The following PARD6B variants were observed in gnomAD, a reference collection of about 807,000 sequenced individuals.
PARD6B encodes par-6 family cell polarity regulator beta.
In PARD6B, 4 loss-of-function variants were observed where a neutral mutation model predicts 10.5. The observed-to-expected ratio is 0.38, with a 90% CI of 0.19 to 0.87. The LOEUF is 0.87. PARD6B is among the 40% of genes least tolerant of loss of function. PARD6B has a pLI of 0.41. For missense variants in PARD6B, 396 were observed against 470.6 expected (o/e 0.84, Z 1.47); for synonymous variants, 169 against 170.4 (o/e 0.99, Z 0.07).
At chr20:50,748,683 A>G (rs1273854348) in intron 2 of PARD6B, among the ~76,000 whole-genome samples, 1 of 151,978 alleles carries the variant, frequency 6.6e-6, no homozygotes, top group Non-Finnish European at 1.5e-5. Flanking sequence ...GACGCTACCT[A>G]CCACACCTGG....
rs370377076 is a variant in PARD6B at position 50,751,545 on chromosome 20, G to T, written c.*1057G>T. ...TAATTTTTAGTAGAGACGGGGTTTC[G>T]CAGTGTTAGCCAGGAAGGTCTCAAT... On this transcript the variant is annotated 3_prime_UTR_variant, in exon 3 of 3. Transcript: ENST00000371610. 6 of 873,376 alleles carry T rather than the reference G, an allele frequency of 6.9e-6. No individual in the cohort carries two copies. The highest frequency in any genetic ancestry group is 8.2e-6 in the Non-Finnish European group (6 of 729,104). The allele number at this position is 873,376 out of a possible 1,614,324, so 54.1% of individuals were successfully genotyped here.
Position 50,751,915 on chromosome 20 carries a change from GTGGGTC to G in PARD6B, c.*1429_*1434del. ...GATGGAGTTTCACCATGTTGGTCAG[GTGGGTC>G]TCAAACTCCTGACCTCAAGTGATCC... On this transcript the variant is annotated 3_prime_UTR_variant, in exon 3 of 3. Transcript: ENST00000371610. 1 of 909,008 alleles carries G rather than the reference GTGGGTC, an allele frequency of 1.1e-6. No homozygotes were observed. The highest frequency in any genetic ancestry group is 1.3e-6 in the Non-Finnish European group (1 of 760,776). The allele number at this position is 909,008 out of a possible 1,614,324, so 56.3% of individuals were successfully genotyped here. A position where few individuals can be genotyped will look rare whatever the true frequency, so the allele number is the denominator to read the frequency against.
intron 1 of PARD6B, among the ~76,000 whole-genome samples, chr20:50,736,810 C>G (rs1568995387): frequency 6.6e-6 from 1 of 151,834 alleles, no homozygotes; most frequent in Non-Finnish European, 1.5e-5. Context: ...AAGAGAGTCT[C>G]CTGCCTCAGC....
chr20:50,737,853 A>G lies in PARD6B; in HGVS notation c.67-4A>G, dbSNP rs1163477521. The G allele has an allele frequency of 2.0e-6, 3 of 1,481,738 alleles. No individual in the cohort carries two copies. The highest frequency in any genetic ancestry group is 1.4e-5 in the South Asian group (1 of 73,190). The allele number at this position is 1,481,738 out of a possible 1,614,324, so 91.8% of individuals were successfully genotyped here. A position where few individuals can be genotyped will look rare whatever the true frequency, so the allele number is the denominator to read the frequency against. Reference sequence around the variant, plus strand: ...TTTAAGTAATATGTTTGTTACGTTTATAGTTTGGAGCTGAATTTCGTCGGT... The same window carrying G: ...TTTAAGTAATATGTTTGTTACGTTTGTAGTTTGGAGCTGAATTTCGTCGGT... On this transcript the variant is annotated splice_region_variant and splice_polypyrimidine_tract_variant and intron_variant, in intron 1 of 2. Transcript: ENST00000371610.
Position 50,731,776 on chromosome 20 carries a change from C to T in PARD6B, c.-11C>T. On this transcript the variant is annotated 5_prime_UTR_variant, in exon 1 of 3. Transcript: ENST00000371610. ...GGCCGGAGGAGGCCGTCGCGGGGCT[C>T]GGCGTTCAGCATGAACCGCAGCCAC... 2 of 1,452,144 alleles carry T rather than the reference C, an allele frequency of 1.4e-6. No homozygotes were observed. Among genetic ancestry groups the T allele is most frequent in the South Asian group, 1.3e-5 (1 of 74,736 alleles). The allele number at this position is 1,452,144 out of a possible 1,614,324, so 90.0% of individuals were successfully genotyped here.
intron 2 of PARD6B, among the ~76,000 whole-genome samples, chr20:50,748,921 C>G (rs1032496223): frequency 6.6e-6 from 1 of 152,150 alleles, no homozygotes; most frequent in African/African-American, 2.4e-5. Flanking sequence ...CACCTGTACT[C>G]CTAGCACATT....
chr20:50,735,462 A>G (rs1186217451), intron 1 of PARD6B, among the ~76,000 whole-genome samples: 1 of 152,248 alleles, frequency 6.6e-6, no homozygotes, highest in East Asian at 1.9e-4. Context: ...TTGCATTTCT[A>G]GAATGTACCA....
At position 50,750,356 on chromosome 20, in the gene PARD6B, T is replaced by A. The variant is rs751180076; in HGVS notation, c.987T>A (p.Ser329=). Residue 329 remains serine, a synonymous_variant, in exon 3 of 3, where the codon TCT becomes TCA. Transcript: ENST00000371610. ...CACAGATAGAGCTAAGCTTTGAGTC[T>A]GGACAGAATGGCTTTATTCCCTCTA... ...SLTQIELSFE[S]GQNGFIPSNE... is the part of the protein sequence containing the mutation. The A allele has an allele frequency of 1.2e-5, 20 of 1,614,234 alleles. No individual in the cohort carries two copies. The highest frequency in any genetic ancestry group is 1.6e-5 in the Non-Finnish European group (19 of 1,180,042).
In PARD6B at chr20:50,743,437, T is replaced by C. The variant is rs572129336; in HGVS notation, c.289+5358T>C. On this transcript the variant is annotated intron_variant, in intron 2 of 2. Coordinates refer to ENST00000371610, the MANE Select transcript of PARD6B (RefSeq NM_032521.3). ...CACAGATGTGACTTTGTGGCCCAGA[T>C]GCTGGTAACTGGGCATCTAAATCAT... Among the ~76,000 whole-genome samples, 5 of 152,354 alleles carry C rather than the reference T, an allele frequency of 3.3e-5. No homozygotes were observed. The South Asian group carries it at 1.0e-3, about 32-fold the overall frequency.
Position 50,752,131 on chromosome 20 carries a change from CTT to C in PARD6B, c.*1645_*1646del. The C allele has an allele frequency of 1.1e-5, 11 of 985,398 alleles. No individual in the cohort carries two copies. Among genetic ancestry groups the C allele is most frequent in the Non-Finnish European group, 1.3e-5 (11 of 829,560 alleles). 61.0% of individuals were successfully genotyped at this position (985,398 alleles called of 1,614,324 possible). A position where few individuals can be genotyped will look rare whatever the true frequency, so the allele number is the denominator to read the frequency against. Reference sequence around the variant, plus strand: ...ATGTTTTAAAAGGCAATTCTCTTGACTTTGGAAATATGGAAGTCTCTCCTTTA... The same window carrying C: ...ATGTTTTAAAAGGCAATTCTCTTGACTGGAAATATGGAAGTCTCTCCTTTA... On this transcript the variant is annotated 3_prime_UTR_variant, in exon 3 of 3. Coordinates refer to ENST00000371610, the MANE Select transcript of PARD6B (RefSeq NM_032521.3).
chr20:50,746,224 A>G (rs1457676012), intron 2 of PARD6B, among the ~76,000 whole-genome samples: 1 of 152,170 alleles, frequency 6.6e-6, no homozygotes, highest in Admixed American at 6.5e-5. Flanking sequence ...TTTCAGAATT[A>G]ATGTTTAAAG....
Position 50,751,753 on chromosome 20 carries a change from C to A in PARD6B, c.*1265C>A, listed in dbSNP as rs1434493491. Reference sequence around the variant, plus strand: ...TTTTTTTTTTTTTGAGACAGAGTCTCTGTCACCCAGGCTGGAGTGCAGTGG... The same window carrying A: ...TTTTTTTTTTTTTGAGACAGAGTCTATGTCACCCAGGCTGGAGTGCAGTGG... On this transcript the variant is annotated 3_prime_UTR_variant, in exon 3 of 3. Transcript: ENST00000371610. 1.0e-6 allele frequency: 1 copy of A among 961,986 alleles called. No individual in the cohort carries two copies. Among genetic ancestry groups the A allele is most frequent in the African/African-American group, 2.0e-5 (1 of 51,196 alleles). 59.6% of individuals were successfully genotyped at this position (961,986 alleles called of 1,614,324 possible). A position where few individuals can be genotyped will look rare whatever the true frequency, so the allele number is the denominator to read the frequency against.
At chr20:50,734,416 G>A (rs1003449107) in intron 1 of PARD6B, among the ~76,000 whole-genome samples, 8 of 151,948 alleles carry the variant, frequency 5.3e-5, no homozygotes, top group South Asian at 2.1e-4. Flanking sequence ...GCACGATCAC[G>A]GCTCACTGCA....
At position 50,747,489 on chromosome 20, in the gene PARD6B, C is replaced by CTTTTTTTTTTTTTTTTTTTTTTTTTTTTT. The variant is rs58629233; in HGVS notation, c.290-2147_290-2146insTTTTTTTTTTTTTTTTTTTTTTTTTTTTT. On this transcript the variant is annotated intron_variant, in intron 2 of 2. Coordinates refer to ENST00000371610, the MANE Select transcript of PARD6B (RefSeq NM_032521.3). ...TTTCTTTTTCTTTTTTTCTTTCTTT[C>CTTTTTTTTTTTTTTTTTTTTTTTTTTTTT]TTTTTTTTTTTTTTTTTTTTTTTGC... 1.3e-3 allele frequency among the ~76,000 whole-genome samples: 43 copies of CTTTTTTTTTTTTTTTTTTTTTTTTTTTTT among 33,354 alleles called. 2 individuals are homozygous for CTTTTTTTTTTTTTTTTTTTTTTTTTTTTT. The highest frequency in any genetic ancestry group is 1.5e-3 in the Non-Finnish European group (30 of 19,556). 21.9% of individuals were successfully genotyped at this position (33,354 alleles called of 152,430 possible). A position where few individuals can be genotyped will look rare whatever the true frequency, so the allele number is the denominator to read the frequency against.
chr20:50,752,344 AAT>A lies in PARD6B; in HGVS notation c.*1857_*1858del. The A allele has an allele frequency of 1.0e-6, 1 of 984,980 alleles. No homozygotes were observed. The highest frequency in any genetic ancestry group is 1.2e-6 in the Non-Finnish European group (1 of 829,234). The allele number at this position is 984,980 out of a possible 1,614,324, so 61.0% of individuals were successfully genotyped here. On this transcript the variant is annotated 3_prime_UTR_variant, in exon 3 of 3. Transcript: ENST00000371610. ...CACTTTTTATGCCAAAAAAAAAAAA[AAT>A]TGGGTTTTCCTTCATGGGATTTCTA... is the stretch of plus-strand genomic sequence containing the variant.
At chr20:50,733,508 G>T (rs1176370497) in intron 1 of PARD6B, among the ~76,000 whole-genome samples, 1 of 152,308 alleles carries the variant, frequency 6.6e-6, no homozygotes, top group South Asian at 2.1e-4. Context: ...AAGAAAAGAC[G>T]TGTAGTTACA....
chr20:50,736,128 G>A (rs913891484), intron 1 of PARD6B, among the ~76,000 whole-genome samples: 1 of 152,182 alleles, frequency 6.6e-6, no homozygotes, highest in Non-Finnish European at 1.5e-5. Flanking sequence ...TTTAATTTTT[G>A]TTAGAGGTAA....
intron 2 of PARD6B, among the ~76,000 whole-genome samples, chr20:50,738,404 C>T (rs1488387455): frequency 6.6e-6 from 1 of 152,170 alleles, no homozygotes; most frequent in Non-Finnish European, 1.5e-5. Flanking sequence ...ATGGATTATT[C>T]TCCACTCAGA....
chr20:50,734,960 G>A (rs2087491819), intron 1 of PARD6B, among the ~76,000 whole-genome samples: 1 of 152,154 alleles, frequency 6.6e-6, no homozygotes, highest in African/African-American at 2.4e-5. Flanking sequence ...GACCAGCCTG[G>A]CCAACACGGT....
Sources: gnomAD v4.1 joint callset for allele counts (sites outside exome capture counted in the v4.1 genomes callset) on GRCh38, gnomAD v4.1.1 for gene constraint, MANE v1.5 for transcripts, NCBI Gene and HGNC (gene_info 2026-07-23, HGNC 2026-07-21) for gene names.